The following SLC7A13 variants were observed in gnomAD, a reference collection of about 807,000 sequenced individuals.
SLC7A13 encodes the protein solute carrier family 7 member 13, also known as X-amino acid transporter 2.
A neutral mutation model predicts 32.0 loss-of-function variants in SLC7A13; 31 were observed. The ratio of observed to expected loss-of-function variants is 0.97; its 90% CI spans 0.73 to 1.31. The LOEUF is 1.31. Among genes scored for constraint, SLC7A13 ranks in the 50% most tolerant of loss-of-function variants. The pLI, the probability that SLC7A13 is intolerant of heterozygous loss-of-function variation, is 0.00. For synonymous variants in SLC7A13, 232 were observed against 206.9 expected (o/e 1.12, Z -1.04); for missense variants, 633 against 546.9 (o/e 1.16, Z -1.57).
At chr8:86,219,994 C>T (rs1375334599) in intron 2 of SLC7A13, among the ~76,000 whole-genome samples, 3 of 151,730 alleles carry the variant, frequency 2.0e-5, no homozygotes, top group South Asian at 4.2e-4. Context: ...TACCAATAAG[C>T]GATTCTAAAA....
intron 2 of SLC7A13, among the ~76,000 whole-genome samples, chr8:86,219,469 A>G (rs1338171136): frequency 6.6e-6 from 1 of 152,180 alleles, no homozygotes; most frequent in Non-Finnish European, 1.5e-5. Context: ...GTTTTAGGTG[A>G]AAAGTAAAAT....
chr8:86,215,741 C>T, intron 3 of SLC7A13: 1 of 403,500 alleles, frequency 2.5e-6, no homozygotes, highest in Non-Finnish European at 4.8e-6. Context: ...TATAAAGCGT[C>T]CCAGAAAAAG....
Position 86,230,231 on chromosome 8 carries a change from C to T in SLC7A13, c.47G>A (p.Trp16Ter), listed in dbSNP as rs1287178919. ...KIQLKRVFGY[W>*]WGTSFLLINI... ...AATAAGCAAAAAACTTGTGCCCCAC[C>T]AATATCCAAACACTCTCTTGAGCTG... The change falls in exon 1 of 4, where the codon TGG (tryptophan) becomes TAG (stop). Residue 16 changes from tryptophan to a stop codon, truncating the protein, a stop_gained. Transcript: ENST00000297524. LOFTEE classifies it high-confidence loss of function. 6.2e-7 allele frequency: 1 copy of T among 1,612,896 alleles called. No homozygotes were observed. Among genetic ancestry groups the T allele is most frequent in the Non-Finnish European group, 8.5e-7 (1 of 1,179,496 alleles).
intron 3 of SLC7A13, 35 bp downstream of exon 3, chr8:86,217,434 AT>A (rs758786930): frequency 4.7e-6 from 7 of 1,487,864 alleles, no homozygotes; most frequent in Non-Finnish European, 6.3e-6. Flanking sequence ...AATATCTGTT[AT>A]TTCACACAGA....
intron 1 of SLC7A13, among the ~76,000 whole-genome samples, chr8:86,223,525 T>C (rs1820339105): frequency 6.6e-6 from 1 of 152,186 alleles, no homozygotes; most frequent in Non-Finnish European, 1.5e-5. Flanking sequence ...TCTGTAATAT[T>C]CTGTGGTATA....
Position 86,217,810 on chromosome 8 carries a change from GC to G in SLC7A13, c.838del (p.Ala280LeufsTer8). 1 of 1,576,472 alleles carries G rather than the reference GC, an allele frequency of 6.3e-7. No individual in the cohort carries two copies. Among genetic ancestry groups the G allele is most frequent in the Non-Finnish European group, 8.6e-7 (1 of 1,164,632 alleles). On this transcript the variant is annotated frameshift_variant, in exon 3 of 4. Transcript: ENST00000297524. LOFTEE classifies it high-confidence loss of function. ...LSSDAVAITW[A>X]DRAFPSLAWI... ...TGCTAATGAGGGAAAAGCTCGATCA[GC>G]CCATGTGATAGCTACAGCATCTGCA...
intron 1 of SLC7A13, among the ~76,000 whole-genome samples, chr8:86,227,323 T>C (rs1050796144): frequency 5.9e-5 from 9 of 152,050 alleles, no homozygotes; most frequent in African/African-American, 2.2e-4. Flanking sequence ...ACTGATTTTT[T>C]AGAAAAGATT....
Position 86,217,676 on chromosome 8 carries a change from A to G in SLC7A13, c.973T>C (p.Leu325=), listed in dbSNP as rs1820212442. The change falls in exon 3 of 4, where the codon TTG becomes CTG. Residue 325 remains leucine, a synonymous_variant. Transcript: ENST00000297524. ...YLASQEGQLP[L]LFNTLNSHSS... is the part of the protein sequence containing the mutation. ...TGACTATTAAGTGTATTAAATAGCA[A>G]AGGCAGCTGGCCCTCTTGGCTTGCA... 5.0e-6 allele frequency: 8 copies of G among 1,613,558 alleles called. No individual in the cohort carries two copies. Among genetic ancestry groups the G allele is most frequent in the Non-Finnish European group, 6.8e-6 (8 of 1,179,636 alleles).
At chr8:86,216,050 A>T (rs1820175673) in intron 3 of SLC7A13, among the ~76,000 whole-genome samples, 1 of 152,144 alleles carries the variant, frequency 6.6e-6, no homozygotes, top group Non-Finnish European at 1.5e-5. Context: ...CAATAACAAG[A>T]CTAAACTCAG....
At chr8:86,227,779 T>G (rs1329982036) in intron 1 of SLC7A13, among the ~76,000 whole-genome samples, 1 of 152,162 alleles carries the variant, frequency 6.6e-6, no homozygotes. Context: ...AGATCATGTC[T>G]TTTCCAGCAA....
chr8:86,227,820 G>A (rs538956799), intron 1 of SLC7A13, among the ~76,000 whole-genome samples: 2 of 152,238 alleles, frequency 1.3e-5, no homozygotes, highest in African/African-American at 4.8e-5. Flanking sequence ...ATCATCCTAA[G>A]AGAAACAATT....
At chr8:86,227,303 A>C (rs1820403362) in intron 1 of SLC7A13, among the ~76,000 whole-genome samples, 1 of 152,306 alleles carries the variant, frequency 6.6e-6, no homozygotes, top group South Asian at 2.1e-4. Flanking sequence ...TATAAATAAC[A>C]AGGAAAAGAA....
At chr8:86,215,760 T>A in intron 3 of SLC7A13, 1 of 388,728 alleles carries the variant, frequency 2.6e-6, no homozygotes, top group Non-Finnish European at 5.0e-6. Context: ...AGATACTTTA[T>A]CATCTCATGG....
intron 1 of SLC7A13, 59 bp downstream of exon 1, chr8:86,229,529 TATGCA>T: frequency 7.7e-7 from 1 of 1,300,200 alleles, no homozygotes; most frequent in Non-Finnish European, 1.1e-6. Context: ...CAACAAATGA[TATGCA>T]TTTCATATTG....
intron 2 of SLC7A13, among the ~76,000 whole-genome samples, chr8:86,219,003 C>T (rs1217470504): frequency 6.6e-6 from 1 of 152,254 alleles, no homozygotes; most frequent in East Asian, 1.9e-4. Flanking sequence ...ATTAAAATAT[C>T]ATTAATAGCT....
Position 86,229,805 on chromosome 8 carries a change from C to A in SLC7A13, c.473G>T (p.Trp158Leu). The change falls in exon 1 of 4, where the codon TGG (tryptophan) becomes TTG (leucine). Residue 158 changes from tryptophan (W) to leucine (L), a missense_variant. Transcript: ENST00000297524. ...CAGCACTGAGCTAGCTATCTGAAGC[C>A]AAGTCACTTCTTTCACACCACGAGA... The part of the protein sequence containing the change: ...LTSRGVKEVT[W>L]LQIASSVLKV... The A allele has an allele frequency of 6.2e-7, 1 of 1,614,140 alleles. No individual in the cohort carries two copies.
intron 3 of SLC7A13, among the ~76,000 whole-genome samples, chr8:86,217,027 G>A (rs974394776): frequency 6.6e-6 from 1 of 152,178 alleles, no homozygotes; most frequent in Non-Finnish European, 1.5e-5. Context: ...TTTAAAATAA[G>A]TAAAGTTGAA....
At chr8:86,214,908 G>T (rs1048812828) in intron 3 of SLC7A13, among the ~76,000 whole-genome samples, 2 of 152,096 alleles carry the variant, frequency 1.3e-5, no homozygotes, top group Non-Finnish European at 2.9e-5. Flanking sequence ...ACCATTTGCT[G>T]GTAAGATCAC....
chr8:86,214,458 T>C lies in SLC7A13; in HGVS notation c.1368A>G (p.Leu456=). The C allele has an allele frequency of 6.2e-7, 1 of 1,610,938 alleles. No individual in the cohort carries two copies. The highest frequency in any genetic ancestry group is 8.5e-7 in the Non-Finnish European group (1 of 1,178,440). The part of the protein sequence containing the change: ...LAWFEKMTCY[L]QLLFNICLPD... ...GGAGGCAAATATTAAATAGTAATTG[T>C]AAATAGCAAGTCATCTTCTCAAACC... Residue 456 remains leucine, a synonymous_variant, in exon 4 of 4, where the codon TTA becomes TTG. Coordinates refer to ENST00000297524, the MANE Select transcript of SLC7A13 (RefSeq NM_138817.3).
Sources: allele counts gnomAD v4.1 joint callset (sites outside exome capture counted in the v4.1 genomes callset), GRCh38; gene constraint gnomAD v4.1.1; transcripts MANE v1.5; gene names NCBI Gene and HGNC (gene_info 2026-07-23, HGNC 2026-07-21).